FAM20A: variants seen among roughly 807,000 people sequenced by gnomAD.
The protein encoded by FAM20A is pseudokinase FAM20A.
Under a neutral mutation model 52.0 loss-of-function variants are expected in FAM20A, and 42 were observed. The ratio of observed to expected loss-of-function variants is 0.81; its 90% CI spans 0.63 to 1.04. The LOEUF (loss-of-function observed/expected upper bound fraction) is 1.04, where lower values mean the gene tolerates loss of function less well. FAM20A is among the 50% of genes least tolerant of loss of function. The pLI is 0.00. For missense variants in FAM20A, 742 were observed against 712.7 expected (o/e 1.04, Z -0.47); for synonymous variants, 304 against 298.9 (o/e 1.02, Z -0.18).
intron 1 of FAM20A, among the ~76,000 whole-genome samples, chr17:68,597,258 T>A (rs1423758712): frequency 3.3e-5 from 5 of 152,106 alleles, no homozygotes; most frequent in Non-Finnish European, 5.9e-5. Flanking sequence ...AATGGTCTCT[T>A]GTGGGCAAGT....
In FAM20A at chr17:68,536,400, TC is replaced by T. The variant is rs1568713203; in HGVS notation, c.*1076del. ...TAATTATGGAATAAGAAACAAAGCCTCCTATTAAAAGGAGTTTCAGATATCA... is the reference window on the plus strand; with the variant it reads ...TAATTATGGAATAAGAAACAAAGCCTCTATTAAAAGGAGTTTCAGATATCA... On this transcript the variant is annotated 3_prime_UTR_variant, in exon 11 of 11. Transcript: ENST00000592554. 3 of 454,110 alleles carry T rather than the reference TC, an allele frequency of 6.6e-6. No individual in the cohort carries two copies. Among genetic ancestry groups the T allele is most frequent in the Non-Finnish European group, 1.3e-5 (3 of 226,772 alleles). The allele number at this position is 454,110 out of a possible 1,614,324, so 28.1% of individuals were successfully genotyped here. A position where few individuals can be genotyped will look rare whatever the true frequency, so the allele number is the denominator to read the frequency against.
chr17:68,592,566 C>T (rs1432054881), intron 1 of FAM20A, among the ~76,000 whole-genome samples: 1 of 152,206 alleles, frequency 6.6e-6, no homozygotes, highest in East Asian at 1.9e-4. Flanking sequence ...CTGAGAGCTG[C>T]GCTTCACTTG....
chr17:68,555,640 G>C lies in FAM20A; in HGVS notation c.508C>G (p.Arg170Gly). The C allele has an allele frequency of 6.2e-7, 1 of 1,613,792 alleles. No individual in the cohort carries two copies. Among genetic ancestry groups the C allele is most frequent in the Non-Finnish European group, 8.5e-7 (1 of 1,180,042 alleles). The change falls in exon 2 of 11, where the codon CGC becomes GGC. Residue 170 changes from arginine to glycine, a missense_variant. By Grantham distance (125) the Arg-to-Gly change is moderately radical (BLOSUM62 -2). Transcript: ENST00000592554. Reference protein sequence around the residue: ...SWVQFHLGINRHGLYSRSSPV... With the variant: ...SWVQFHLGINGHGLYSRSSPV... The stretch of plus-strand genomic sequence containing the variant: ...CTGGACCGGGAGTAGAGCCCATGGC[G>C]GTTAATACCCAGGTGGAACTGGACC...
intron 4 of FAM20A, among the ~76,000 whole-genome samples, 167 bp downstream of exon 4, chr17:68,551,688 AATTATTATTATTATTATT>A (rs34824326): frequency 7.4e-6 from 1 of 134,858 alleles, no homozygotes; most frequent in African/African-American, 2.8e-5. Flanking sequence ...TAGTATTTTC[AATTATTATTATTATTATT>A]ATTATTATTA....
Position 68,584,349 on chromosome 17 carries a change from A to AAACAAAACAAAAC in FAM20A, c.404+15913_404+15914insGTTTTGTTTTGTT, listed in dbSNP as rs139019367. Among the ~76,000 whole-genome samples, 67 of 27,924 alleles carry AAACAAAACAAAAC rather than the reference A, an allele frequency of 2.4e-3. 2 individuals are homozygous for AAACAAAACAAAAC. Among genetic ancestry groups the AAACAAAACAAAAC allele is most frequent in the South Asian group, 0.01 (17 of 1,622 alleles). 18.3% of individuals were successfully genotyped at this position (27,924 alleles called of 152,430 possible). ...AAACAAAACAAAACAAAACAAAACAAAAAAAAAACCCAAACACAAAAAGCT... is the reference window on the plus strand; with the variant it reads ...AAACAAAACAAAACAAAACAAAACAAAACAAAACAAAACAAAAAAAACCCAAACACAAAAAGCT... On this transcript the variant is annotated intron_variant, in intron 1 of 10. Transcript: ENST00000592554.
rs1251172703 is a variant in FAM20A, at chr17:68,600,558, G to A, written c.109C>T (p.Pro37Ser). Residue 37 changes from proline to serine, a missense_variant, in exon 1 of 11, where the codon CCT becomes TCT. Pro to Ser is a moderately conservative substitution (Grantham distance 74). Coordinates refer to ENST00000592554, the MANE Select transcript of FAM20A (RefSeq NM_017565.4). This position sits in a 1 kb window ranked among gnomAD's most constrained non-coding sequence, Gnocchi z 6.2. ...GGGCACCCCCGCGGGCGCTCCCGAG[G>A]CCGCAGCTGGCGCTGTACTTGGGGC... Reference protein sequence around the residue: ...LWPQVQRQLRPRERPRGCPCT... With the variant: ...LWPQVQRQLRSRERPRGCPCT... 2 of 1,556,664 alleles carry A rather than the reference G, an allele frequency of 1.3e-6. No individual in the cohort carries two copies. The highest frequency in any genetic ancestry group is 1.7e-6 in the Non-Finnish European group (2 of 1,151,228).
At chr17:68,572,033 TA>T (rs2087577412) in intron 1 of FAM20A, among the ~76,000 whole-genome samples, 1 of 120,634 alleles carries the variant, frequency 8.3e-6, no homozygotes, top group East Asian at 2.6e-4. Flanking sequence ...TATATATATA[TA>T]TATATATGTA....
chr17:68,545,044 A>G (rs763720366), intron 4 of FAM20A, among the ~76,000 whole-genome samples: 14 of 152,200 alleles, frequency 9.2e-5, no homozygotes, highest in Non-Finnish European at 1.6e-4. Context: ...TATATTTTCC[A>G]AAGTTAAAGT....
At chr17:68,540,732 G>T in intron 8 of FAM20A, 117 bp downstream of exon 8, 1 of 1,261,658 alleles carries the variant, frequency 7.9e-7, no homozygotes, top group Non-Finnish European at 1.1e-6. Flanking sequence ...GGCTGTGGGA[G>T]GTGCAGAGTT....
chr17:68,565,345 A>G (rs1446008570), intron 1 of FAM20A, among the ~76,000 whole-genome samples: 3 of 146,394 alleles, frequency 2.0e-5, no homozygotes, highest in Non-Finnish European at 3.0e-5. Context: ...CCTCTTCCCA[A>G]TCATTTTTAA....
At chr17:68,538,755 A>T (rs1017066429) in intron 10 of FAM20A, among the ~76,000 whole-genome samples, 3 of 152,260 alleles carry the variant, frequency 2.0e-5, no homozygotes, top group African/African-American at 4.8e-5. Flanking sequence ...ATAGGTGATT[A>T]TCTGAGTGGG....
intron 3 of FAM20A, among the ~76,000 whole-genome samples, chr17:68,553,963 T>TAC (rs1275192334): frequency 6.7e-6 from 1 of 148,494 alleles, no homozygotes; most frequent in Non-Finnish European, 1.5e-5. Flanking sequence ...TATGCATATA[T>TAC]ACATATATAC....
intron 4 of FAM20A, among the ~76,000 whole-genome samples, chr17:68,548,775 T>C (rs1030630854): frequency 4.5e-5 from 6 of 133,754 alleles, no homozygotes; most frequent in East Asian, 4.9e-4. Context: ...CTCTGTCGCC[T>C]GGGCTGGAGT....
In FAM20A at chr17:68,555,698, G is replaced by A. The variant is rs753503901; in HGVS notation, c.450C>T (p.Asp150=). ...CCTCGAGTCGGAGCTGCAGTGGGGG[G>A]TCCAGGGAGGTAAGGTTCATCTGCT... is the stretch of plus-strand genomic sequence containing the variant. The part of the protein sequence containing the change: ...YREQMNLTSL[D]PPLQLRLEAS... Residue 150 remains aspartate, a synonymous_variant, in exon 2 of 11, where the codon GAC becomes GAT. Coordinates refer to ENST00000592554, the MANE Select transcript of FAM20A (RefSeq NM_017565.4). 7.4e-6 allele frequency: 12 copies of A among 1,613,850 alleles called. No homozygotes were observed. The highest frequency in any genetic ancestry group is 8.5e-7 in the Non-Finnish European group (1 of 1,180,034).
chr17:68,600,509 A>G lies in FAM20A; in HGVS notation c.158T>C (p.Leu53Pro). 1 of 1,584,980 alleles carries G rather than the reference A, an allele frequency of 6.3e-7. No homozygotes were observed. Residue 53 changes from leucine (L) to proline (P), a missense_variant, in exon 1 of 11, where the codon CTG becomes CCG. Leu to Pro is a moderately conservative substitution (Grantham distance 98). Coordinates refer to ENST00000592554, the MANE Select transcript of FAM20A (RefSeq NM_017565.4). This position sits in a 1 kb window ranked among gnomAD's most constrained non-coding sequence, Gnocchi z 6.2. ...GCPCTGRASSLARDSAAAASD... is the reference protein window; with the variant it reads ...GCPCTGRASSPARDSAAAASD... ...GGCAGCTGCGGCCGAGTCCCGCGCCAGGGAGGAGGCGCGGCCGGTGCACGG... is the reference window on the plus strand; with the variant it reads ...GGCAGCTGCGGCCGAGTCCCGCGCCGGGGAGGAGGCGCGGCCGGTGCACGG...
chr17:68,539,334 T>TA lies in FAM20A; in HGVS notation c.1361+2dup, dbSNP rs1421762173. 5.0e-6 allele frequency: 8 copies of TA among 1,614,078 alleles called. No homozygotes were observed. In the South Asian group the frequency reaches 5.5e-5, roughly 11 times the overall value. ...CCGTATTATCTGCTGCAGGAAAACTTACATGCAGCACTGGGAGAGAGGCGA... is the reference window on the plus strand; with the variant it reads ...CCGTATTATCTGCTGCAGGAAAACTTAACATGCAGCACTGGGAGAGAGGCGA... On this transcript the variant is annotated splice_region_variant and intron_variant, in intron 10 of 10. Coordinates refer to ENST00000592554, the MANE Select transcript of FAM20A (RefSeq NM_017565.4).
rs1568739140 is a variant in FAM20A at position 68,552,665 on chromosome 17, C to CTTTTTTTT, written c.641-715_641-714insAAAAAAAA. ...CTGGAGCCCTGTAAACCTTTATTTTCCTTTTTTTTTTTTTTTTTTTTTTTT... is the reference window on the plus strand; with the variant it reads ...CTGGAGCCCTGTAAACCTTTATTTTCTTTTTTTTCTTTTTTTTTTTTTTTTTTTTTTTT... On this transcript the variant is annotated intron_variant, in intron 3 of 10. Coordinates refer to ENST00000592554, the MANE Select transcript of FAM20A (RefSeq NM_017565.4). 2.5e-4 allele frequency among the ~76,000 whole-genome samples: 27 copies of CTTTTTTTT among 109,992 alleles called. 4 individuals are homozygous for CTTTTTTTT. The highest frequency in any genetic ancestry group is 8.4e-4 in the African/African-American group (26 of 30,994). The allele number at this position is 109,992 out of a possible 152,430, so 72.2% of individuals were successfully genotyped here.
In FAM20A at chr17:68,600,550, C is replaced by G; in HGVS notation, c.117G>C (p.Glu39Asp). The change falls in exon 1 of 11, where the codon GAG becomes GAC. Residue 39 changes from glutamate to aspartate, a missense_variant. By Grantham distance (45) the Glu-to-Asp change is conservative. Transcript: ENST00000592554. The surrounding 1 kb of genome is among the most constrained non-coding windows in gnomAD (Gnocchi z 6.2). The part of the protein sequence containing the change: ...PQVQRQLRPR[E>D]RPRGCPCTGR... ...CGGTGCACGGGCACCCCCGCGGGCG[C>G]TCCCGAGGCCGCAGCTGGCGCTGTA... The G allele has an allele frequency of 6.4e-7, 1 of 1,557,440 alleles. No individual in the cohort carries two copies. Among genetic ancestry groups the G allele is most frequent in the Middle Eastern group, 1.8e-4 (1 of 5,484 alleles).
At chr17:68,572,006 ATATATAT>A (rs1171130631) in intron 1 of FAM20A, among the ~76,000 whole-genome samples, 15 of 40,294 alleles carry the variant, frequency 3.7e-4, no homozygotes, top group African/African-American at 1.3e-3. Flanking sequence ...ATATATATAT[ATATATAT>A]ATATATATAT....
Sources: gnomAD v4.1 joint callset for allele counts (sites outside exome capture counted in the v4.1 genomes callset) on GRCh38, gnomAD v4.1.1 for gene constraint, Gnocchi (gnomAD v3.1) non-coding constraint, MANE v1.5 for transcripts, NCBI Gene and HGNC (gene_info 2026-07-23, HGNC 2026-07-21) for gene names.